Variants in PPIP5K2 observed in about 807,000 individuals in gnomAD.
PPIP5K2 encodes the protein diphosphoinositol pentakisphosphate kinase 2, also known as inositol hexakisphosphate and diphosphoinositol-pentakisphosphate kinase 2.
PPIP5K2 carries 105 observed loss-of-function variants against 154.6 expected under a neutral mutation model. The ratio of observed to expected loss-of-function variants is 0.68; its 90% CI spans 0.58 to 0.80. The LOEUF (loss-of-function observed/expected upper bound fraction) is 0.80. Ranked by LOEUF, PPIP5K2 falls within the 30% of genes least tolerant of loss-of-function variation. The pLI, the probability that PPIP5K2 is intolerant of heterozygous loss-of-function variation, is 0.00. For synonymous variants in PPIP5K2, 480 were observed against 490.3 expected, an observed-to-expected ratio of 0.98 and a Z score of 0.28; for missense variants, 992 against 1,504.6, an observed-to-expected ratio of 0.66 and a Z score of 5.64.
At position 103,137,454 on chromosome 5, in the gene PPIP5K2, A is replaced by C. The variant is rs144566410; in HGVS notation, c.401+632A>C. Among the ~76,000 whole-genome samples, 501 of 152,192 alleles carry C rather than the reference A, an allele frequency of 3.3e-3. 14 individuals carry two copies. In the East Asian group the frequency reaches 0.055, roughly 17 times the overall value. On this transcript the variant is annotated intron_variant, in intron 4 of 30. Transcript: ENST00000358359. ...TGGGATTATAGGTGTGAGCCACCGC[A>C]CCCGGCCTATAACTAGATTTTTTAA...
At chr5:103,198,230 A>G (rs1802428490) in intron 30 of PPIP5K2, among the ~76,000 whole-genome samples, 1 of 151,966 alleles carries the variant, frequency 6.6e-6, no homozygotes, top group Non-Finnish European at 1.5e-5. Flanking sequence ...GTTCCATTGC[A>G]GTTATAAAAA....
At chr5:103,137,542 TA>T (rs1265671466) in intron 4 of PPIP5K2, among the ~76,000 whole-genome samples, 21 of 152,314 alleles carry the variant, frequency 1.4e-4, no homozygotes, top group Admixed American at 1.3e-3. Flanking sequence ...ATTTAACAGG[TA>T]AAAAGCATGG....
intron 28 of PPIP5K2, chr5:103,188,743 T>C (rs1342945330): frequency 6.5e-6 from 1 of 152,988 alleles, no homozygotes; most frequent in Admixed American, 6.5e-5. Context: ...AAAACCAGTA[T>C]TTGAGGTATT....
chr5:103,187,442 T>A (rs1201568923), intron 28 of PPIP5K2, 66 bp downstream of exon 28: 9 of 1,252,366 alleles, frequency 7.2e-6, no homozygotes, highest in Non-Finnish European at 1.0e-5. Flanking sequence ...TTATTTTATT[T>A]CAAAATGTGG....
chr5:103,135,741 T>C (rs1554203955), intron 3 of PPIP5K2, among the ~76,000 whole-genome samples: 2 of 152,050 alleles, frequency 1.3e-5, no homozygotes, highest in Non-Finnish European at 2.9e-5. Flanking sequence ...AGTGCCAATA[T>C]AGAGAATAAA....
At chr5:103,163,121 A>C (rs1554216633) in intron 17 of PPIP5K2, among the ~76,000 whole-genome samples, 1 of 145,084 alleles carries the variant, frequency 6.9e-6, no homozygotes, top group African/African-American at 2.5e-5. Context: ...TTTTCATATA[A>C]ATTTTAAAAC....
intron 1 of PPIP5K2, among the ~76,000 whole-genome samples, chr5:103,124,994 G>A (rs1282554166): frequency 6.6e-6 from 1 of 152,220 alleles, no homozygotes; most frequent in Non-Finnish European, 1.5e-5. Flanking sequence ...ATGATTCGGA[G>A]AAGGTCTTGT....
At chr5:103,170,999 T>C (rs1343337333) in intron 19 of PPIP5K2, among the ~76,000 whole-genome samples, 1 of 151,582 alleles carries the variant, frequency 6.6e-6, no homozygotes, top group Non-Finnish European at 1.5e-5. Flanking sequence ...TGTTCTGGTG[T>C]ACTTCAAAAT....
intron 6 of PPIP5K2, 68 bp downstream of exon 6, chr5:103,146,749 C>G (rs1793822375): frequency 7.6e-7 from 1 of 1,323,608 alleles, no homozygotes; most frequent in Admixed American, 2.4e-5. Context: ...TAAAAGCAAT[C>G]AAGCATTTAA....
At chr5:103,142,393 A>C (rs1163453159) in intron 5 of PPIP5K2, among the ~76,000 whole-genome samples, 1 of 151,618 alleles carries the variant, frequency 6.6e-6, no homozygotes, top group African/African-American at 2.4e-5. Flanking sequence ...ACCGCCCCGC[A>C]GCCCCAGTTC....
In PPIP5K2 at chr5:103,120,412, G is replaced by C. The variant is rs1296679711; in HGVS notation, c.-361G>C. ...ACAAACACCTCACCCCTGCCTCCGG[G>C]ATGAAAGGGGGTAACCTAGACCTGA... On this transcript the variant is annotated 5_prime_UTR_variant, in exon 1 of 31. Transcript: ENST00000358359. The C allele has an allele frequency of 4.4e-6, 2 of 456,680 alleles. No individual in the cohort carries two copies. Among genetic ancestry groups the C allele is most frequent in the Non-Finnish European group, 8.8e-6 (2 of 226,916 alleles). The allele number at this position is 456,680 out of a possible 1,614,324, so 28.3% of individuals were successfully genotyped here. A position where few individuals can be genotyped will look rare whatever the true frequency, so the allele number is the denominator to read the frequency against.
chr5:103,199,564 A>G (rs1802646922), intron 30 of PPIP5K2, among the ~76,000 whole-genome samples: 3 of 151,666 alleles, frequency 2.0e-5, no homozygotes, highest in South Asian at 2.1e-4. Context: ...CTTGCTTTCA[A>G]TGTTTTCTCT....
rs1554204453 is a variant in PPIP5K2 at position 103,136,838 on chromosome 5, G to C, written c.401+16G>C. On this transcript the variant is annotated intron_variant, in intron 4 of 30. Transcript: ENST00000358359. Reference sequence around the variant, plus strand: ...TACAAGATAGGTGAGTGGTGAAGTTGGCTGAATTAAGGGAAGGAAAAATAA... The same window carrying C: ...TACAAGATAGGTGAGTGGTGAAGTTCGCTGAATTAAGGGAAGGAAAAATAA... The C allele has an allele frequency of 2.5e-6, 4 of 1,588,552 alleles. No individual in the cohort carries two copies. Among genetic ancestry groups the C allele is most frequent in the Non-Finnish European group, 3.5e-6 (4 of 1,157,076 alleles).
chr5:103,198,976 A>G (rs879978961), intron 30 of PPIP5K2, among the ~76,000 whole-genome samples: 4 of 151,424 alleles, frequency 2.6e-5, no homozygotes, highest in African/African-American at 4.9e-5. Flanking sequence ...CTCTAAATAT[A>G]TATTCCTAAT....
intron 19 of PPIP5K2, 127 bp from the exon 20 acceptor site, chr5:103,173,028 G>T: frequency 1.5e-6 from 1 of 674,310 alleles, no homozygotes. Context: ...TGCAAACTCG[G>T]AGTTATCCAA....
intron 1 of PPIP5K2, chr5:103,120,747 A>G (rs1788524310): frequency 3.1e-6 from 1 of 326,814 alleles, no homozygotes; most frequent in Non-Finnish European, 6.2e-6. Context: ...GACGCCAGAA[A>G]TTGAAGATCA....
In PPIP5K2 at chr5:103,190,965, G is replaced by C. The variant is rs376054039; in HGVS notation, c.3476G>C (p.Arg1159Pro). The change falls in exon 29 of 31, where the codon CGG becomes CCG. Residue 1159 changes from arginine (R) to proline (P), a missense_variant. Around this residue, in one of 9 missense-constraint regions of PPIP5K2, gnomAD observed 131 missense variants for 117.8 expected, o/e 1.11. Transcript: ENST00000358359. ...GCTTCTCCATCATCTGACGTTCCAC[G>C]GAAGACCGCTGAAATTTGTAGGAAA... ...SIASPSSDVP[R>P]KTAEISSTAL... 1.2e-6 allele frequency: 2 copies of C among 1,604,306 alleles called. No homozygotes were observed. Among genetic ancestry groups the C allele is most frequent in the African/African-American group, 2.7e-5 (2 of 74,180 alleles).
rs1803538565 is a variant in PPIP5K2, at chr5:103,206,798, A to G, written c.*5164A>G. 6.6e-6 allele frequency: 1 copy of G among 152,240 alleles called. No homozygotes were observed. Among genetic ancestry groups the G allele is most frequent in the African/African-American group, 2.4e-5 (1 of 41,470 alleles). 9.4% of individuals were successfully genotyped at this position (152,240 alleles called of 1,614,324 possible). ...GACTAGCACTGGACATGCGTCAATC[A>G]GACGACATGCAGTCCAGGCAGAGGA... On this transcript the variant is annotated 3_prime_UTR_variant, in exon 31 of 31. Coordinates refer to ENST00000358359, the MANE Select transcript of PPIP5K2 (RefSeq NM_001276277.3).
intron 29 of PPIP5K2, 29 bp downstream of exon 29, chr5:103,191,011 T>C: frequency 6.3e-7 from 1 of 1,596,964 alleles, no homozygotes; most frequent in East Asian, 2.2e-5. Flanking sequence ...ATTGTTATTA[T>C]TTAGTTGCTG....
Sources: gnomAD v4.1 joint callset for allele counts (sites outside exome capture counted in the v4.1 genomes callset) on GRCh38, gnomAD v4.1.1 for gene constraint, gnomAD v4.1.1 regional missense constraint, MANE v1.5 for transcripts, NCBI Gene and HGNC (gene_info 2026-07-23, HGNC 2026-07-21) for gene names.